The following CDKL3 variants were observed in gnomAD, a reference collection of about 807,000 sequenced individuals.
CDKL3 encodes the protein cyclin-dependent kinase-like 3.
CDKL3 carries 65 observed loss-of-function variants against 69.3 expected under a neutral mutation model. The observed-to-expected ratio is 0.94, with a 90% CI of 0.77 to 1.15. The LOEUF is 1.15. Among genes scored for constraint, CDKL3 ranks in the 50% most tolerant of loss-of-function variants. The pLI is 0.00. For missense variants in CDKL3, 652 were observed against 689.2 expected, an observed-to-expected ratio of 0.95 and a Z score of 0.61; for synonymous variants, 202 against 221.6, an observed-to-expected ratio of 0.91 and a Z score of 0.79.
At chr5:134,303,717 G>A (rs1459197833) in intron 11 of CDKL3, among the ~76,000 whole-genome samples, 6 of 151,776 alleles carry the variant, frequency 4.0e-5, no homozygotes, top group Middle Eastern at 3.4e-3. Context: ...AGGCGTGTTG[G>A]TGGGCACCTG....
intron 7 of CDKL3, 37 bp downstream of exon 7, chr5:134,312,255 T>C: frequency 8.0e-7 from 1 of 1,246,978 alleles, no homozygotes; most frequent in Non-Finnish European, 1.1e-6. Context: ...CAATACAAAA[T>C]GCTTTTAAAA....
Position 134,327,211 on chromosome 5 carries a change from CT to C in CDKL3, c.540-5309del, listed in dbSNP as rs202083129. ...AGCCCCTGTTCATGGAACAATGGTT[CT>C]ACCTTGAATGCAGTGCAGAGAATAC... On this transcript the variant is annotated intron_variant, in intron 4 of 12. Transcript: ENST00000265334. 9.7e-3 allele frequency among the ~76,000 whole-genome samples: 1,478 copies of C among 152,240 alleles called. 12 individuals are homozygous for C. The highest frequency in any genetic ancestry group is 0.032 in the African/African-American group (1,313 of 41,548).
downstream of CDKL3, among the ~76,000 whole-genome samples, chr5:134,294,549 G>A (rs1195812514): frequency 6.6e-6 from 1 of 152,032 alleles, no homozygotes; most frequent in Non-Finnish European, 1.5e-5. Flanking sequence ...TGGAAAAGAA[G>A]AAGCGAAACT....
chr5:134,285,909 G>A (rs1764839835), downstream of CDKL3, among the ~76,000 whole-genome samples: 1 of 152,176 alleles, frequency 6.6e-6, no homozygotes, highest in Admixed American at 6.5e-5. Context: ...GGATCACGAG[G>A]TCAAGAGATT....
intron 7 of CDKL3, among the ~76,000 whole-genome samples, chr5:134,311,051 GA>G (rs1769331152): frequency 6.6e-6 from 1 of 152,142 alleles, no homozygotes; most frequent in Non-Finnish European, 1.5e-5. Context: ...AGCCCAAATA[GA>G]AAATGGTGTT....
chr5:134,319,330 C>T lies in CDKL3; in HGVS notation c.792+28G>A, dbSNP rs375279418. On this transcript the variant is annotated intron_variant, in intron 6 of 12. Transcript: ENST00000265334. Reference sequence around the variant, plus strand: ...GGGCGACAGAGCAAGACTCTGTCTCCGGGGGAGGAAAAAAAAAAAAAACAT... The same window carrying T: ...GGGCGACAGAGCAAGACTCTGTCTCTGGGGGAGGAAAAAAAAAAAAAACAT... 3.4e-3 allele frequency: 5,080 copies of T among 1,474,552 alleles called. 7 individuals carry two copies. The highest frequency in any genetic ancestry group is 4.1e-3 in the Non-Finnish European group (4,535 of 1,112,774). The allele number at this position is 1,474,552 out of a possible 1,614,324, so 91.3% of individuals were successfully genotyped here.
chr5:134,314,268 C>A (rs937526438), intron 6 of CDKL3, among the ~76,000 whole-genome samples: 1 of 152,166 alleles, frequency 6.6e-6, no homozygotes, highest in Non-Finnish European at 1.5e-5. Flanking sequence ...GCTAAAAGGT[C>A]TGACCAAATC....
chr5:134,342,542 G>A (rs1345254229), intron 4 of CDKL3, among the ~76,000 whole-genome samples: 1 of 151,908 alleles, frequency 6.6e-6, no homozygotes, highest in African/African-American at 2.4e-5. Context: ...GGAGCTTGCA[G>A]TGAGCCGAGA....
At chr5:134,369,407 G>A (rs373454053), upstream of CDKL3, among the ~76,000 whole-genome samples, 4 of 152,122 alleles carry the variant, frequency 2.6e-5, no homozygotes, top group Admixed American at 6.6e-5. Context: ...GTATCCATTC[G>A]TCAGCTCAAC....
At chr5:134,359,347 A>G (rs535291562) in intron 3 of CDKL3, among the ~76,000 whole-genome samples, 139 of 152,308 alleles carry the variant, frequency 9.1e-4, no homozygotes, top group African/African-American at 3.2e-3. Flanking sequence ...CTAAACACTT[A>G]CAAGCCAATG....
intron 2 of CDKL3, among the ~76,000 whole-genome samples, chr5:134,365,577 T>C (rs1232648741): frequency 6.6e-6 from 1 of 152,214 alleles, no homozygotes; most frequent in Admixed American, 6.5e-5. Context: ...CAATCTATTC[T>C]GCACAATAGT....
At chr5:134,359,252 C>A (rs1180479355) in intron 3 of CDKL3, among the ~76,000 whole-genome samples, 2 of 151,964 alleles carry the variant, frequency 1.3e-5, no homozygotes. Context: ...GAGCCAAGAT[C>A]ATGCCATTGT....
intron 2 of CDKL3, among the ~76,000 whole-genome samples, chr5:134,364,002 T>C (rs1756743384): frequency 6.9e-6 from 1 of 145,072 alleles, no homozygotes; most frequent in African/African-American, 2.6e-5. Context: ...GGCAAATTGA[T>C]CCATCATATC....
At chr5:134,363,973 AAAAAAG>A in intron 2 of CDKL3, among the ~76,000 whole-genome samples, 1 of 147,132 alleles carries the variant, frequency 6.8e-6, no homozygotes, top group Non-Finnish European at 1.5e-5. Flanking sequence ...AAAAAAAAAA[AAAAAAG>A]AGAGAGAAAG....
downstream of CDKL3, among the ~76,000 whole-genome samples, chr5:134,293,852 T>C (rs1417286304): frequency 6.6e-6 from 1 of 151,298 alleles, no homozygotes; most frequent in Non-Finnish European, 1.5e-5. Flanking sequence ...GTTCAGCCTA[T>C]AATCCCAGCC....
intron 4 of CDKL3, among the ~76,000 whole-genome samples, chr5:134,322,143 A>G (rs576558760): frequency 1.8e-4 from 28 of 152,112 alleles, no homozygotes; most frequent in Middle Eastern, 3.4e-3. Flanking sequence ...CCTCCCAAGT[A>G]GCTGGGATTA....
Position 134,328,409 on chromosome 5 carries a change from G to A in CDKL3, c.540-6506C>T, listed in dbSNP as rs186632857. On this transcript the variant is annotated intron_variant, in intron 4 of 12. Transcript: ENST00000265334. ...CAATAACTGAAATTTAAAAATTCAC[G>A]AGAGGAAATCAACAGTAGATTTAAA... Among the ~76,000 whole-genome samples the A allele has an allele frequency of 3.7e-4, 56 of 152,172 alleles. No individual in the cohort carries two copies. The East Asian group carries it at 9.6e-3, about 26-fold the overall frequency.
chr5:134,336,083 A>G (rs1312539581), intron 4 of CDKL3, among the ~76,000 whole-genome samples: 1 of 152,152 alleles, frequency 6.6e-6, no homozygotes, highest in East Asian at 1.9e-4. Flanking sequence ...ATCTTCAATC[A>G]CTGATATCCT....
chr5:134,307,001 C>T (rs1243273816), intron 9 of CDKL3, among the ~76,000 whole-genome samples: 4 of 152,136 alleles, frequency 2.6e-5, no homozygotes, highest in African/African-American at 9.7e-5. Flanking sequence ...GTGATACACT[C>T]GCCTTGGCCT....
Sources: allele counts gnomAD v4.1 joint callset (sites outside exome capture counted in the v4.1 genomes callset), GRCh38; gene constraint gnomAD v4.1.1; transcripts MANE v1.5; gene names NCBI Gene and HGNC (gene_info 2026-07-23, HGNC 2026-07-21).